RPS6KA2: variants seen among roughly 807,000 people sequenced by gnomAD.
RPS6KA2 encodes the protein ribosomal protein S6 kinase A2.
Under a neutral mutation model 91.8 loss-of-function variants are expected in RPS6KA2, and 42 were observed. That is an observed-to-expected ratio of 0.46 (90% CI 0.36 to 0.59). The LOEUF is 0.59. RPS6KA2 is among the 20% of genes least tolerant of loss of function. RPS6KA2 has a pLI of 0.00. For missense variants in RPS6KA2, 798 were observed against 978.5 expected, an observed-to-expected ratio of 0.82 and a Z score of 2.46; for synonymous variants, 414 against 393.6, an observed-to-expected ratio of 1.05 and a Z score of -0.61.
At chr6:166,765,481 G>A (rs373981393) in intron 2 of RPS6KA2, among the ~76,000 whole-genome samples, 7 of 151,302 alleles carry the variant, frequency 4.6e-5, no homozygotes, top group East Asian at 1.9e-4. Flanking sequence ...GCTCAGGGAC[G>A]GGCGCAGTGT....
intron 2 of RPS6KA2, chr6:166,757,805 T>C (rs769544339): frequency 3.3e-6 from 1 of 302,788 alleles, no homozygotes; most frequent in East Asian, 1.1e-4. Context: ...TTGAAAAAAC[T>C]CTGGCTGCAG....
At position 166,666,404 on chromosome 6, in the gene RPS6KA2, G is replaced by T. The variant is rs1474334274; in HGVS notation, c.124-127620C>A. On this transcript the variant is annotated intron_variant, in intron 2 of 21. Transcript: ENST00000503859. This position sits in a 1 kb window ranked among gnomAD's most constrained non-coding sequence, Gnocchi z 4.0. Reference sequence around the variant, plus strand: ...GTCAGTTGTGTCAAAATGCTAGAAAGTACCATTTCAAATGCTGTTATGTGT... The same window carrying T: ...GTCAGTTGTGTCAAAATGCTAGAAATTACCATTTCAAATGCTGTTATGTGT... Among the ~76,000 whole-genome samples the T allele has an allele frequency of 6.6e-6, 1 of 152,324 alleles. No homozygotes were observed. The highest frequency in any genetic ancestry group is 2.1e-4 in the South Asian group (1 of 4,824).
chr6:166,824,779 G>GTGTGTCTA, intron 2 of RPS6KA2, among the ~76,000 whole-genome samples: 1 of 149,990 alleles, frequency 6.7e-6, no homozygotes, highest in Non-Finnish European at 1.5e-5. Context: ...GTGTCTACGT[G>GTGTGTCTA]TGTGTCTGTG....
At chr6:166,627,734 C>T (rs940427012), upstream of RPS6KA2, 1 of 152,296 alleles carries the variant, frequency 6.6e-6, no homozygotes, top group African/African-American at 2.4e-5. Flanking sequence ...CAACTTCGGC[C>T]CGGCTGCTCT....
chr6:166,474,155 T>C (rs1305826182), intron 10 of RPS6KA2, among the ~76,000 whole-genome samples: 4 of 152,102 alleles, frequency 2.6e-5, no homozygotes, highest in African/African-American at 9.7e-5. Flanking sequence ...AGGGTGGGGC[T>C]GCCTGGTCTT....
rs531486087 is a variant in RPS6KA2 at position 166,848,461 on chromosome 6, T to C, written c.123+9739A>G. Among the ~76,000 whole-genome samples, 143 of 152,238 alleles carry C rather than the reference T, an allele frequency of 9.4e-4. 1 individual carries two copies. Among genetic ancestry groups the C allele is most frequent in the African/African-American group, 3.3e-3 (137 of 41,542 alleles). On this transcript the variant is annotated intron_variant, in intron 2 of 21. Transcript: ENST00000503859. ...ACCAAAAAATACCCGCACATGCATGTTTATAGTAGCATAATTTGCAAATGC... is the reference window on the plus strand; with the variant it reads ...ACCAAAAAATACCCGCACATGCATGCTTATAGTAGCATAATTTGCAAATGC...
chr6:166,491,322 G>A (rs74952911), intron 8 of RPS6KA2, among the ~76,000 whole-genome samples: 3,444 of 152,232 alleles, frequency 0.023, 125 homozygotes, highest in African/African-American at 0.078. Flanking sequence ...CTGCCAGGAC[G>A]GAACTTGAGA....
At chr6:166,799,224 C>T (rs975022726) in intron 2 of RPS6KA2, among the ~76,000 whole-genome samples, 9 of 152,190 alleles carry the variant, frequency 5.9e-5, no homozygotes, top group East Asian at 1.9e-4. Context: ...TCTGTGAACC[C>T]GGGCAGGGGC....
intron 1 of RPS6KA2, among the ~76,000 whole-genome samples, chr6:166,597,469 C>A (rs574572290): frequency 6.6e-6 from 1 of 152,248 alleles, no homozygotes; most frequent in Non-Finnish European, 1.5e-5. Flanking sequence ...GGAGCGGGTG[C>A]TGGGCTGCAG....
intron 2 of RPS6KA2, among the ~76,000 whole-genome samples, chr6:166,685,206 C>T (rs112385371): frequency 5.5e-3 from 679 of 122,786 alleles, no homozygotes; most frequent in African/African-American, 0.026. Flanking sequence ...CAGGCAGGAC[C>T]CTGATGGAGT....
chr6:166,851,063 A>G (rs1355847651), intron 2 of RPS6KA2, among the ~76,000 whole-genome samples: 3 of 152,240 alleles, frequency 2.0e-5, no homozygotes. Flanking sequence ...TACTTAGCAA[A>G]TTACATCACC....
chr6:166,430,651 G>T (rs200690870), intron 15 of RPS6KA2, 40 bp from the exon 16 acceptor site: 139 of 1,579,938 alleles, frequency 8.8e-5, no homozygotes, highest in Middle Eastern at 3.4e-4. Flanking sequence ...ACCACGGCTG[G>T]TTGCTGTGAA....
intron 11 of RPS6KA2, among the ~76,000 whole-genome samples, chr6:166,464,375 A>G (rs991240155): frequency 2.0e-5 from 3 of 152,210 alleles, no homozygotes; most frequent in Admixed American, 6.5e-5. Flanking sequence ...AAGGGTTTCA[A>G]ACTGTACAAA....
intron 2 of RPS6KA2, among the ~76,000 whole-genome samples, chr6:166,783,313 T>A (rs181222694): frequency 1.3e-5 from 2 of 151,980 alleles, no homozygotes; most frequent in Non-Finnish European, 2.9e-5. Context: ...CCTCGTCGAA[T>A]CAGTTGAAGG....
At chr6:166,647,763 CGCACATGCTCATACACACACAT>C (rs901556513) in intron 2 of RPS6KA2, among the ~76,000 whole-genome samples, 4 of 151,854 alleles carry the variant, frequency 2.6e-5, no homozygotes, top group Admixed American at 2.0e-4. Context: ...CACACACACA[CGCACATGCTCATACACACACAT>C]GCACATGCTT....
chr6:166,465,741 T>A (rs1376886697), intron 11 of RPS6KA2, among the ~76,000 whole-genome samples: 3 of 152,148 alleles, frequency 2.0e-5, no homozygotes, highest in Non-Finnish European at 2.9e-5. Context: ...ACCTCTTCCA[T>A]CGGTGGATGA....
chr6:166,739,783 G>T (rs1391776635), intron 2 of RPS6KA2, among the ~76,000 whole-genome samples: 4 of 152,200 alleles, frequency 2.6e-5, no homozygotes, highest in Non-Finnish European at 5.9e-5. Flanking sequence ...GGATTTGAAA[G>T]AGCTAAGTGT....
At chr6:166,680,698 C>T (rs1027210584) in intron 2 of RPS6KA2, among the ~76,000 whole-genome samples, 1 of 152,182 alleles carries the variant, frequency 6.6e-6, no homozygotes, top group African/African-American at 2.4e-5. Flanking sequence ...ACCATGAACC[C>T]ACCAGAAGGA....
Position 166,459,472 on chromosome 6 carries a change from T to G in RPS6KA2, c.1052A>C (p.Glu351Ala). ...ACCTGTGGGCGTCCGCGCTGTGAAC[T>G]CGGGGTCAAAGTGGAAGGTGTCCTC... ...RPEDTFHFDP[E>A]FTARTPTDSP... is the part of the protein sequence containing the mutation. The change falls in exon 12 of 21, where the codon GAG becomes GCG. Residue 351 changes from glutamate (E) to alanine (A), a missense_variant. By Grantham distance (107) the Glu-to-Ala change is moderately radical. Coordinates refer to ENST00000265678, the MANE Select transcript of RPS6KA2 (RefSeq NM_021135.6). The surrounding 1 kb of genome is among the most constrained non-coding windows in gnomAD (Gnocchi z 4.9). 1 of 1,614,048 alleles carries G rather than the reference T, an allele frequency of 6.2e-7. No homozygotes were observed.
Sources: gnomAD v4.1 joint callset for allele counts (sites outside exome capture counted in the v4.1 genomes callset) on GRCh38, gnomAD v4.1.1 for gene constraint, Gnocchi (gnomAD v3.1) non-coding constraint, MANE v1.5 for transcripts, NCBI Gene and HGNC (gene_info 2026-07-23, HGNC 2026-07-21) for gene names.